Variants in CD58 observed in about 807,000 individuals in gnomAD.
CD58 encodes CD58 molecule, also known as lymphocyte function-associated antigen 3.
In CD58, 14 loss-of-function variants were observed where a neutral mutation model predicts 27.6. The observed-to-expected ratio is 0.51, with a 90% CI of 0.34 to 0.79. The LOEUF (loss-of-function observed/expected upper bound fraction) is 0.79, where lower values mean the gene tolerates loss of function less well. CD58 is among the 30% of genes least tolerant of loss of function. The pLI, the probability that CD58 is intolerant of heterozygous loss-of-function variation, is 0.02. For synonymous variants in CD58, 117 were observed against 103.8 expected (o/e 1.13, Z -0.77); for missense variants, 268 against 301.7 (o/e 0.89, Z 0.83).
Position 116,544,532 on chromosome 1 carries a change from T to A in CD58, c.143A>T (p.Asn48Ile). The change falls in exon 2 of 6, where the codon AAT becomes ATT. Residue 48 changes from asparagine (N) to isoleucine (I), a missense_variant. By Grantham distance (149) the Asn-to-Ile change is moderately radical. Transcript: ENST00000369489. ...CCATAGGACCTCTTTTAAAGGCACA[T>A]TGCTTGGTACATGGAAAGTTACATT... is the stretch of plus-strand genomic sequence containing the variant. Reference protein sequence around the residue: ...YGNVTFHVPSNVPLKEVLWKK... With the variant: ...YGNVTFHVPSIVPLKEVLWKK... The A allele has an allele frequency of 6.2e-7, 1 of 1,613,594 alleles. No homozygotes were observed. The highest frequency in any genetic ancestry group is 8.5e-7 in the Non-Finnish European group (1 of 1,179,540).
At position 116,528,130 on chromosome 1, in the gene CD58, A is replaced by G. The variant is rs935412411; in HGVS notation, c.629-6147T>C. ...CTATTCTTCCCAGTGGAAAGTCATA[A>G]AAGTCACAAGAGACCAACTTAAATC... On this transcript the variant is annotated intron_variant, in intron 3 of 5. Transcript: ENST00000369489. This position sits in a 1 kb window ranked among gnomAD's most constrained non-coding sequence, Gnocchi z 4.4. Among the ~76,000 whole-genome samples, 7 of 152,226 alleles carry G rather than the reference A, an allele frequency of 4.6e-5. No homozygotes were observed. Among genetic ancestry groups the G allele is most frequent in the Non-Finnish European group, 7.3e-5 (5 of 68,036 alleles).
Position 116,523,695 on chromosome 1 carries a change from TA to T in CD58, c.629-1713del, listed in dbSNP as rs2101157994. On this transcript the variant is annotated intron_variant, in intron 3 of 5. Transcript: ENST00000369489. This position sits in a 1 kb window ranked among gnomAD's most constrained non-coding sequence, Gnocchi z 4.4. ...GTCAGTGCCACTGAAGATCATTGTC[TA>T]GAGCCATAAGTTCATCAAGGGTTTG... 6.6e-6 allele frequency among the ~76,000 whole-genome samples: 1 copy of T among 152,338 alleles called. No homozygotes were observed. Among genetic ancestry groups the T allele is most frequent in the African/African-American group, 2.4e-5 (1 of 41,582 alleles).
chr1:116,540,299 A>T (rs1034825653), intron 2 of CD58, among the ~76,000 whole-genome samples: 5 of 152,044 alleles, frequency 3.3e-5, no homozygotes, highest in African/African-American at 1.2e-4. Flanking sequence ...TTACCAGGTT[A>T]CTAAAACAAG....
chr1:116,566,726 T>A (rs1464588330), intron 1 of CD58, among the ~76,000 whole-genome samples: 2 of 152,110 alleles, frequency 1.3e-5, no homozygotes, highest in Non-Finnish European at 2.9e-5. Context: ...GAATGCCATA[T>A]TTAAAAAAGA....
chr1:116,535,102 T>G (rs1657749387), intron 3 of CD58, among the ~76,000 whole-genome samples: 2 of 152,184 alleles, frequency 1.3e-5, no homozygotes, highest in African/African-American at 4.8e-5. Context: ...ATAATAAAAA[T>G]TACAAATGTA....
rs1658085308 is a variant in CD58, at chr1:116,544,365, C to T, written c.310G>A (p.Glu104Lys). 1 of 1,612,146 alleles carries T rather than the reference C, an allele frequency of 6.2e-7. No homozygotes were observed. Among genetic ancestry groups the T allele is most frequent in the East Asian group, 2.2e-5 (1 of 44,852 alleles). Residue 104 changes from glutamate to lysine, a missense_variant, in exon 2 of 6, where the codon GAA becomes AAA. Glu to Lys is a moderately conservative substitution (Grantham distance 56, BLOSUM62 1). Coordinates refer to ENST00000369489, the MANE Select transcript of CD58 (RefSeq NM_001779.3). ...TCAGTAATATTTGGCGATTCCATTT[C>T]ATACTCATCTTCATCTGATGATGTT... ...NLTSSDEDEY[E>K]MESPNITDTM...
intron 3 of CD58, chr1:116,533,826 A>G (rs1387654296): frequency 6.3e-6 from 5 of 788,788 alleles, no homozygotes; most frequent in Non-Finnish European, 1.1e-5. Context: ...TTTCCAAGTC[A>G]TGAACTTCTT....
intron 4 of CD58, among the ~76,000 whole-genome samples, chr1:116,520,633 T>C (rs1009106688): frequency 4.6e-5 from 7 of 151,990 alleles, no homozygotes; most frequent in Admixed American, 3.9e-4. Context: ...CAACACTGAG[T>C]GGAAAATGAT....
At chr1:116,562,411 C>T (rs1196283577) in intron 1 of CD58, among the ~76,000 whole-genome samples, 1 of 152,154 alleles carries the variant, frequency 6.6e-6, no homozygotes, top group Non-Finnish European at 1.5e-5. Flanking sequence ...CTCAAATTCC[C>T]AGACTCAAGC....
intron 1 of CD58, among the ~76,000 whole-genome samples, chr1:116,562,328 C>A (rs895313193): frequency 6.6e-6 from 1 of 152,050 alleles, no homozygotes; most frequent in African/African-American, 2.4e-5. Context: ...ATAGTTCCTA[C>A]CTTTTTATTT....
chr1:116,562,748 A>G (rs1328521076), intron 1 of CD58, among the ~76,000 whole-genome samples: 1 of 152,228 alleles, frequency 6.6e-6, no homozygotes, highest in Non-Finnish European at 1.5e-5. Context: ...TCACAAGAAC[A>G]GTATAGAGGA....
At position 116,522,692 on chromosome 1, in the gene CD58, G is replaced by T. The variant is rs1464914750; in HGVS notation, c.629-709C>A. Among the ~76,000 whole-genome samples, 2 of 152,192 alleles carry T rather than the reference G, an allele frequency of 1.3e-5. No individual in the cohort carries two copies. Among genetic ancestry groups the T allele is most frequent in the East Asian group, 3.8e-4 (2 of 5,200 alleles). On this transcript the variant is annotated intron_variant, in intron 3 of 5. Coordinates refer to ENST00000369489, the MANE Select transcript of CD58 (RefSeq NM_001779.3). The surrounding 1 kb of genome is among the most constrained non-coding windows in gnomAD (Gnocchi z 4.6). The stretch of plus-strand genomic sequence containing the variant: ...TAAACAAACTTATATGCACAAGCTT[G>T]ATACATTCCAGACCCTGTGTTATTT...
rs1657046311 is a variant in CD58 at position 116,515,444 on chromosome 1, G to A, written c.744-622C>T. ...TAACAAGAATTCATGAGAAATTAGT[G>A]CTGTGGTCACAGGGGTGAGGTAAAG... is the stretch of plus-strand genomic sequence containing the variant. On this transcript the variant is annotated intron_variant, in intron 5 of 5. Coordinates refer to ENST00000369489, the MANE Select transcript of CD58 (RefSeq NM_001779.3). This position sits in a 1 kb window ranked among gnomAD's most constrained non-coding sequence, Gnocchi z 4.6. Among the ~76,000 whole-genome samples, 1 of 152,200 alleles carries A rather than the reference G, an allele frequency of 6.6e-6. No individual in the cohort carries two copies. The highest frequency in any genetic ancestry group is 2.4e-5 in the African/African-American group (1 of 41,438).
At position 116,534,828 on chromosome 1, in the gene CD58, C is replaced by A. The variant is rs1196026107; in HGVS notation, c.628+1137G>T. ...CTTAGAATGGCTCACCAGTTAAAAT[C>A]CAAGTTTCATATATTTCTTGTATTT... On this transcript the variant is annotated intron_variant, in intron 3 of 5. Coordinates refer to ENST00000369489, the MANE Select transcript of CD58 (RefSeq NM_001779.3). This position sits in a 1 kb window ranked among gnomAD's most constrained non-coding sequence, Gnocchi z 5.3. 2.0e-5 allele frequency among the ~76,000 whole-genome samples: 3 copies of A among 152,148 alleles called. No individual in the cohort carries two copies. The highest frequency in any genetic ancestry group is 6.5e-5 in the Admixed American group (1 of 15,270).
chr1:116,552,942 C>T lies in CD58; in HGVS notation c.71-8338G>A, dbSNP rs1218448661. Among the ~76,000 whole-genome samples the T allele has an allele frequency of 6.6e-6, 1 of 152,092 alleles. No homozygotes were observed. Among genetic ancestry groups the T allele is most frequent in the African/African-American group, 2.4e-5 (1 of 41,414 alleles). On this transcript the variant is annotated intron_variant, in intron 1 of 5. Transcript: ENST00000369489. The surrounding 1 kb of genome is among the most constrained non-coding windows in gnomAD (Gnocchi z 4.5). ...CAAAAAAGACTTTGGCAATTTACATCTCCATCAGTAATGCCTGAGTTGCCC... is the reference window on the plus strand; with the variant it reads ...CAAAAAAGACTTTGGCAATTTACATTTCCATCAGTAATGCCTGAGTTGCCC...
In CD58 at chr1:116,527,496, T is replaced by C. The variant is rs1009993197; in HGVS notation, c.629-5513A>G. ...GATTACATTAATTGATTTTCATATG[T>C]TGAACCTGCCTTGCACACCTGAGAT... is the stretch of plus-strand genomic sequence containing the variant. On this transcript the variant is annotated intron_variant, in intron 3 of 5. Transcript: ENST00000369489. The surrounding 1 kb of genome is among the most constrained non-coding windows in gnomAD (Gnocchi z 4.4). Among the ~76,000 whole-genome samples the C allele has an allele frequency of 4.6e-5, 7 of 152,214 alleles. No individual in the cohort carries two copies. Among genetic ancestry groups the C allele is most frequent in the Admixed American group, 2.0e-4 (3 of 15,284 alleles).
rs1657107304 is a variant in CD58 at position 116,517,143 on chromosome 1, C to T, written c.743+2088G>A. Among the ~76,000 whole-genome samples, 1 of 152,084 alleles carries T rather than the reference C, an allele frequency of 6.6e-6. No homozygotes were observed. Among genetic ancestry groups the T allele is most frequent in the Admixed American group, 6.5e-5 (1 of 15,270 alleles). ...ACTCAGAGTTCCCCTCCACTGTAACCACCTAGATCTCAGCAGAGACCTGAC... is the reference window on the plus strand; with the variant it reads ...ACTCAGAGTTCCCCTCCACTGTAACTACCTAGATCTCAGCAGAGACCTGAC... On this transcript the variant is annotated intron_variant, in intron 5 of 5. Coordinates refer to ENST00000369489, the MANE Select transcript of CD58 (RefSeq NM_001779.3). The surrounding 1 kb of genome is among the most constrained non-coding windows in gnomAD (Gnocchi z 6.5).
At position 116,551,199 on chromosome 1, in the gene CD58, C is replaced by A. The variant is rs202050953; in HGVS notation, c.71-6595G>T. 7.9e-5 allele frequency among the ~76,000 whole-genome samples: 12 copies of A among 152,322 alleles called. No individual in the cohort carries two copies. The South Asian group carries it at 8.3e-4, about 11-fold the overall frequency. Reference sequence around the variant, plus strand: ...AAGAGAGTCAGCTGTCCTTTCAAGCCTGAAGTTGACTTCTCCTGTCTAGCT... The same window carrying A: ...AAGAGAGTCAGCTGTCCTTTCAAGCATGAAGTTGACTTCTCCTGTCTAGCT... On this transcript the variant is annotated intron_variant, in intron 1 of 5. Coordinates refer to ENST00000369489, the MANE Select transcript of CD58 (RefSeq NM_001779.3).
intron 1 of CD58, among the ~76,000 whole-genome samples, chr1:116,561,480 T>C (rs1030393711): frequency 1.3e-5 from 2 of 152,192 alleles, no homozygotes; most frequent in African/African-American, 4.8e-5. Flanking sequence ...ATGTTAATAA[T>C]AAATATGTCA....
Sources: allele counts gnomAD v4.1 joint callset (sites outside exome capture counted in the v4.1 genomes callset), GRCh38; gene constraint gnomAD v4.1.1; non-coding constraint Gnocchi (gnomAD v3.1); transcripts MANE v1.5; gene names NCBI Gene and HGNC (gene_info 2026-07-23, HGNC 2026-07-21).